The following MPHOSPH9 variants were observed in gnomAD, a reference collection of about 807,000 sequenced individuals.
The protein encoded by MPHOSPH9 is M-phase phosphoprotein 9.
A neutral mutation model predicts 145.5 loss-of-function variants in MPHOSPH9; 88 were observed. That is an observed-to-expected ratio of 0.60 (90% CI 0.51 to 0.72). The LOEUF (loss-of-function observed/expected upper bound fraction) is 0.72, where lower values mean the gene tolerates loss of function less well. MPHOSPH9 is among the 30% of genes least tolerant of loss of function. MPHOSPH9 has a pLI of 0.00. For synonymous variants in MPHOSPH9, 435 were observed against 486.2 expected, an observed-to-expected ratio of 0.89 and a Z score of 1.39; for missense variants, 1,238 against 1,386.6, an observed-to-expected ratio of 0.89 and a Z score of 1.70.
intron 22 of MPHOSPH9, 72 bp from the exon 23 acceptor site, chr12:123,160,921 GT>G: frequency 1.3e-6 from 2 of 1,520,622 alleles, no homozygotes; most frequent in Non-Finnish European, 1.8e-6. Flanking sequence ...GAAAGAAAAG[GT>G]TTTGGCTTAG....
intron 16 of MPHOSPH9, among the ~76,000 whole-genome samples, chr12:123,171,777 ATATAT>A (rs1385743463): frequency 1.3e-5 from 2 of 152,222 alleles, no homozygotes; most frequent in African/African-American, 2.4e-5. Context: ...AACAAAAAAC[ATATAT>A]TATATATATA....
At chr12:123,167,793 T>C (rs976735049) in intron 16 of MPHOSPH9, among the ~76,000 whole-genome samples, 2 of 152,210 alleles carry the variant, frequency 1.3e-5, no homozygotes, top group African/African-American at 4.8e-5. Context: ...CCCCAGCTCA[T>C]CTGAGGTTCC....
At position 123,210,384 on chromosome 12, in the gene MPHOSPH9, T is replaced by C. The variant is rs117981011; in HGVS notation, c.1088-222A>G. On this transcript the variant is annotated intron_variant, in intron 7 of 23. Transcript: ENST00000606320. ...CTGAAATATAAAAAGTCAAGATGAGTTGGTACAATTTAAAATACATATTTT... is the reference window on the plus strand; with the variant it reads ...CTGAAATATAAAAAGTCAAGATGAGCTGGTACAATTTAAAATACATATTTT... Among the ~76,000 whole-genome samples, 31 of 152,090 alleles carry C rather than the reference T, an allele frequency of 2.0e-4. No individual in the cohort carries two copies. The East Asian group carries it at 5.2e-3, about 26-fold the overall frequency.
chr12:123,222,264 G>A (rs2047233599), intron 4 of MPHOSPH9, among the ~76,000 whole-genome samples: 1 of 151,242 alleles, frequency 6.6e-6, no homozygotes, highest in Admixed American at 6.6e-5. Context: ...GGCAGAGGTT[G>A]CAGTCAGCTA....
At chr12:123,238,622 AAAAG>A (rs1232346867) in intron 1 of MPHOSPH9, among the ~76,000 whole-genome samples, 1 of 152,160 alleles carries the variant, frequency 6.6e-6, no homozygotes, top group Non-Finnish European at 1.5e-5. Context: ...TTAGAAAAGA[AAAAG>A]AAAAGCTTTT....
At chr12:123,212,182 G>A (rs1189336016) in intron 7 of MPHOSPH9, among the ~76,000 whole-genome samples, 4 of 152,096 alleles carry the variant, frequency 2.6e-5, no homozygotes, top group South Asian at 2.1e-4. Flanking sequence ...GATATGTAGT[G>A]GGGGGTGCGA....
At chr12:123,217,019 AT>A (rs2046997561) in intron 6 of MPHOSPH9, among the ~76,000 whole-genome samples, 1 of 151,878 alleles carries the variant, frequency 6.6e-6, no homozygotes, top group African/African-American at 2.4e-5. Context: ...AAATAAATAA[AT>A]AAAAGAAATG....
chr12:123,227,409 G>A, intron 3 of MPHOSPH9, 54 bp downstream of exon 3: 1 of 1,263,728 alleles, frequency 7.9e-7, no homozygotes, highest in East Asian at 2.6e-5. Flanking sequence ...TTTAGTAGAG[G>A]TATGTTTTAA....
chr12:123,201,618 G>T (rs1187785937), intron 11 of MPHOSPH9, among the ~76,000 whole-genome samples: 1 of 152,068 alleles, frequency 6.6e-6, no homozygotes, highest in African/African-American at 2.4e-5. Flanking sequence ...GAGCTCAAGA[G>T]ATCTGCCTGC....
intron 16 of MPHOSPH9, among the ~76,000 whole-genome samples, chr12:123,167,740 G>T (rs920726973): frequency 6.6e-6 from 1 of 152,184 alleles, no homozygotes; most frequent in Non-Finnish European, 1.5e-5. Context: ...AATAGTGGCT[G>T]TTGGCAGGAC....
At chr12:123,216,747 C>T (rs1340661707) in intron 6 of MPHOSPH9, among the ~76,000 whole-genome samples, 4 of 151,954 alleles carry the variant, frequency 2.6e-5, no homozygotes, top group East Asian at 3.9e-4. Context: ...TCTATAATCC[C>T]GGCACTTTGG....
intron 17 of MPHOSPH9, 33 bp from the exon 18 acceptor site, chr12:123,165,510 T>C (rs762966293): frequency 2.5e-6 from 4 of 1,576,334 alleles, no homozygotes; most frequent in Non-Finnish European, 3.5e-6. Context: ...TACAGTGCTA[T>C]GGACTAAATG....
intron 1 of MPHOSPH9, among the ~76,000 whole-genome samples, chr12:123,238,324 CT>C (rs2047882746): frequency 6.6e-6 from 1 of 152,192 alleles, no homozygotes; most frequent in Non-Finnish European, 1.5e-5. Context: ...GCACGTTGGT[CT>C]GTTTAAGCTC....
chr12:123,203,995 A>G (rs980367206), intron 8 of MPHOSPH9, among the ~76,000 whole-genome samples: 1 of 150,782 alleles, frequency 6.6e-6, no homozygotes, highest in African/African-American at 2.4e-5. Context: ...CCAATAGCCA[A>G]GTTTTGAGGT....
exon 1 of MPHOSPH9, chr12:123,243,889 T>G (rs1478417406): frequency 1.3e-5 from 2 of 152,206 alleles, no homozygotes; most frequent in African/African-American, 4.8e-5. Context: ...TCCATCCTGC[T>G]TCCTCCTCAG....
downstream of MPHOSPH9, chr12:123,153,393 G>A (rs909589376): frequency 6.6e-6 from 1 of 152,114 alleles, no homozygotes; most frequent in African/African-American, 2.4e-5. Flanking sequence ...GAACATCTTA[G>A]ACCACCTAAC....
intron 23 of MPHOSPH9, 109 bp downstream of exon 23, chr12:123,160,672 T>C: frequency 1.0e-6 from 1 of 960,012 alleles, no homozygotes; most frequent in South Asian, 1.6e-5. Flanking sequence ...GACTGCTGCT[T>C]CAGTGTGTCT....
At chr12:123,205,501 GCA>G (rs2046388820) in intron 8 of MPHOSPH9, among the ~76,000 whole-genome samples, 1 of 151,822 alleles carries the variant, frequency 6.6e-6, no homozygotes, top group Non-Finnish European at 1.5e-5. Context: ...AGCTGAGATC[GCA>G]CCACTGCATT....
rs775145873 is a variant in MPHOSPH9 at position 123,214,811 on chromosome 12, A to C, written c.1020T>G (p.His340Gln). ...IEKSDFAAAT[H>Q]PRAFYLSKPD... The stretch of plus-strand genomic sequence containing the variant: ...GTTTACTGAGGTAAAAAGCACGAGG[A>C]TGTGTAGCAGCAGCAAAATCAGACT... The change falls in exon 7 of 24, where the codon CAT becomes CAG. Residue 340 changes from histidine to glutamine, a missense_variant. By Grantham distance (24) the His-to-Gln change is conservative. This residue lies in a region of MPHOSPH9 where 837 missense variants were observed against 897.5 expected (regional missense o/e 0.93). Transcript: ENST00000606320. The C allele has an allele frequency of 2.2e-5, 35 of 1,613,534 alleles. No homozygotes were observed. In the South Asian group the frequency reaches 3.8e-4, roughly 18 times the overall value.
Sources: allele counts gnomAD v4.1 joint callset (sites outside exome capture counted in the v4.1 genomes callset), GRCh38; gene constraint gnomAD v4.1.1; regional missense constraint gnomAD v4.1.1; transcripts MANE v1.5; gene names NCBI Gene and HGNC (gene_info 2026-07-23, HGNC 2026-07-21).